Variants in ATP12A observed in about 807,000 individuals in gnomAD.
ATP12A encodes ATPase H+/K+ transporting non-gastric alpha2 subunit, also known as potassium-transporting ATPase alpha chain 2.
A neutral mutation model predicts 111.2 loss-of-function variants in ATP12A; 81 were observed. The observed-to-expected ratio is 0.73, with a 90% CI of 0.61 to 0.88. The LOEUF (loss-of-function observed/expected upper bound fraction) is 0.88, where lower values mean the gene tolerates loss of function less well. ATP12A is among the 40% of genes least tolerant of loss of function. ATP12A has a pLI of 0.00. For missense variants in ATP12A, 1,196 were observed against 1,313.1 expected, an observed-to-expected ratio of 0.91 and a Z score of 1.38; for synonymous variants, 498 against 499.8, an observed-to-expected ratio of 1.00 and a Z score of 0.05.
At chr13:24,709,519 G>C (rs2289910) in intron 18 of ATP12A, 32 bp downstream of exon 18, 717,531 of 1,607,810 alleles carry the variant, frequency 0.45, 162,787 homozygotes, top group Non-Finnish European at 0.47. Flanking sequence ...CCCATCACAC[G>C]AGGGCCTGCC....
intron 13 of ATP12A, among the ~76,000 whole-genome samples, chr13:24,701,501 CAAAAAAAAAAAAA>C (rs10586421): frequency 2.0e-5 from 2 of 101,398 alleles, no homozygotes; most frequent in African/African-American, 7.4e-5. Flanking sequence ...AACTCTGTCT[CAAAAAAAAAAAAA>C]AAAAAAGAAA....
intron 14 of ATP12A, chr13:24,703,684 T>C (rs1411283237): frequency 6.6e-6 from 1 of 152,160 alleles, no homozygotes; most frequent in Non-Finnish European, 1.5e-5. Flanking sequence ...TTTTTTTAGA[T>C]ACAAGGTGTC....
At position 24,691,215 on chromosome 13, in the gene ATP12A, G is replaced by T; in HGVS notation, c.1033G>T (p.Ala345Ser). ...CATCTTCCTCATTGGCATCATTGTG[G>T]CCAATGTGCCCGAGGGCCTCCTGGC... is the stretch of plus-strand genomic sequence containing the variant. ...SIIFLIGIIV[A>S]NVPEGLLATV... is the part of the protein sequence containing the mutation. The change falls in exon 8 of 23, where the codon GCC becomes TCC. Residue 345 changes from alanine (A) to serine (S), a missense_variant. By Grantham distance (99) the Ala-to-Ser change is moderately conservative (BLOSUM62 1). Coordinates refer to ENST00000381946, the MANE Select transcript of ATP12A (RefSeq NM_001676.7). The T allele has an allele frequency of 6.2e-7, 1 of 1,613,794 alleles. No individual in the cohort carries two copies. Among genetic ancestry groups the T allele is most frequent in the South Asian group, 1.1e-5 (1 of 91,066 alleles).
Position 24,709,445 on chromosome 13 carries a change from C to A in ATP12A, c.2575C>A (p.Leu859Met), listed in dbSNP as rs372265674. 14 of 1,613,924 alleles carry A rather than the reference C, an allele frequency of 8.7e-6. No homozygotes were observed. Among genetic ancestry groups the A allele is most frequent in the Non-Finnish European group, 1.2e-5 (14 of 1,180,026 alleles). ...RKPRHKNKDR[L>M]VNQPLAVYSY... ...GCCTCGCCACAAGAATAAGGACAGGCTGGTGAACCAGCCGCTCGCTGTGTA... is the reference window on the plus strand; with the variant it reads ...GCCTCGCCACAAGAATAAGGACAGGATGGTGAACCAGCCGCTCGCTGTGTA... Residue 859 changes from leucine (L) to methionine (M), a missense_variant, in exon 18 of 23, where the codon CTG (leucine) becomes ATG (methionine). Physicochemically the swap from Leu to Met is conservative, Grantham distance 15. This residue lies in a region of ATP12A where 1,126 missense variants were observed against 1,228.5 expected (regional missense o/e 0.92). Coordinates refer to ENST00000381946, the MANE Select transcript of ATP12A (RefSeq NM_001676.7).
intron 8 of ATP12A, among the ~76,000 whole-genome samples, chr13:24,692,155 T>TTGC (rs1008787025): frequency 2.0e-5 from 3 of 152,184 alleles, no homozygotes; most frequent in Admixed American, 1.3e-4. Context: ...GTGTCCGTGT[T>TTGC]TGCTGCCCGT....
At position 24,681,670 on chromosome 13, in the gene ATP12A, G is replaced by C; in HGVS notation, c.118G>C (p.Glu40Gln). ...TAGGGGTCTGAAGAACAACTGCCTGGAACTCAAAAAGAAAAATCACAAAGA... is the reference window on the plus strand; with the variant it reads ...TAGGGGTCTGAAGAACAACTGCCTGCAACTCAAAAAGAAAAATCACAAAGA... Reference protein sequence around the residue: ...KYRGLKNNCLELKKKNHKEEF... With the variant: ...KYRGLKNNCLQLKKKNHKEEF... The change falls in exon 2 of 23, where the codon GAA (glutamate) becomes CAA (glutamine). Residue 40 changes from glutamate to glutamine, a missense_variant. Around this residue, in one of 3 missense-constraint regions of ATP12A, gnomAD observed 67 missense variants for 64.0 expected, o/e 1.05. Transcript: ENST00000381946. The C allele has an allele frequency of 6.2e-7, 1 of 1,614,184 alleles. No homozygotes were observed. Among genetic ancestry groups the C allele is most frequent in the South Asian group, 1.1e-5 (1 of 91,072 alleles).
At chr13:24,706,898 G>A (rs1004032040) in intron 15 of ATP12A, 125 bp from the exon 16 acceptor site, 2 of 1,046,756 alleles carry the variant, frequency 1.9e-6, no homozygotes, top group Admixed American at 6.2e-5. Flanking sequence ...CCCTAAATGG[G>A]CCTTTCCGTT....
intron 2 of ATP12A, among the ~76,000 whole-genome samples, chr13:24,683,779 C>T (rs55641580): frequency 0.12 from 18,925 of 152,156 alleles, 1,212 homozygotes; most frequent in Middle Eastern, 0.22. Context: ...GACAGCACAG[C>T]ACCAGACGAT....
chr13:24,708,938 A>AAAGAAAGAAAGAAAGG (rs1875812319), intron 17 of ATP12A, among the ~76,000 whole-genome samples: 3 of 123,516 alleles, frequency 2.4e-5, no homozygotes, highest in South Asian at 2.4e-4. Context: ...AGAAAGAAAG[A>AAAGAAAGAAAGAAAGG]AAGAAAGAAA....
At chr13:24,698,515 T>TA in intron 11 of ATP12A, 143 bp from the exon 12 acceptor site, 2 of 928,368 alleles carry the variant, frequency 2.2e-6, no homozygotes, top group Non-Finnish European at 3.2e-6. Context: ...CTCTTCGTCT[T>TA]ACTTGGCCAC....
At chr13:24,708,284 C>G (rs148827025) in intron 17 of ATP12A, among the ~76,000 whole-genome samples, 13 of 152,200 alleles carry the variant, frequency 8.5e-5, no homozygotes, top group Admixed American at 2.6e-4. Flanking sequence ...CTAAGCTGCC[C>G]ATGTGGCTGT....
At position 24,710,813 on chromosome 13, in the gene ATP12A, G is replaced by C; in HGVS notation, c.2919G>C (p.Gly973=). Reference sequence around the variant, plus strand: ...GCAGAAATAAAGTCATCTGGGTGGGGATCACCTCACAGATCATCATTGGTC... The same window carrying C: ...GCAGAAATAAAGTCATCTGGGTGGGCATCACCTCACAGATCATCATTGGTC... ...GLFRNKVIWV[G]ITSQIIIGLI... The change falls in exon 21 of 23, where the codon GGG becomes GGC. Residue 973 remains glycine (G), a synonymous_variant. Coordinates refer to ENST00000381946, the MANE Select transcript of ATP12A (RefSeq NM_001676.7). The C allele has an allele frequency of 6.2e-7, 1 of 1,614,188 alleles. No homozygotes were observed. The highest frequency in any genetic ancestry group is 8.5e-7 in the Non-Finnish European group (1 of 1,180,046).
intron 5 of ATP12A, 37 bp downstream of exon 5, chr13:24,689,412 C>T: frequency 6.4e-7 from 1 of 1,573,726 alleles, no homozygotes; most frequent in Non-Finnish European, 8.7e-7. Flanking sequence ...CCTCTGGTGA[C>T]TCCCAGGTGA....
intron 17 of ATP12A, among the ~76,000 whole-genome samples, chr13:24,708,080 A>G (rs932590470): frequency 6.6e-6 from 1 of 152,210 alleles, no homozygotes; most frequent in African/African-American, 2.4e-5. Flanking sequence ...AATCACCCAA[A>G]TAACCACTGG....
Position 24,694,517 on chromosome 13 carries a change from A to T in ATP12A, c.1451A>T (p.Glu484Val). 6.2e-7 allele frequency: 1 copy of T among 1,614,150 alleles called. No homozygotes were observed. The highest frequency in any genetic ancestry group is 8.5e-7 in the Non-Finnish European group (1 of 1,180,024). ...FSEVILGDVMEIRKRNRKVAE... is the reference protein window; with the variant it reads ...FSEVILGDVMVIRKRNRKVAE... Reference sequence around the variant, plus strand: ...GAGGTCATTTTGGGTGATGTGATGGAAATTAGAAAAAGAAACCGCAAAGTA... The same window carrying T: ...GAGGTCATTTTGGGTGATGTGATGGTAATTAGAAAAAGAAACCGCAAAGTA... The change falls in exon 11 of 23, where the codon GAA becomes GTA. Residue 484 changes from glutamate to valine, a missense_variant. Around this residue, in one of 3 missense-constraint regions of ATP12A, gnomAD observed 1,126 missense variants for 1,228.5 expected, o/e 0.92. Coordinates refer to ENST00000381946, the MANE Select transcript of ATP12A (RefSeq NM_001676.7).
At position 24,709,732 on chromosome 13, in the gene ATP12A, A is replaced by G; in HGVS notation, c.2667A>G (p.Ala889=). The stretch of plus-strand genomic sequence containing the variant: ...TCCTTGTGTATTTCACCGTCTATGC[A>G]CAAGAGGGCTTTCTGCCCCGCACTC... ...GAFLVYFTVY[A]QEGFLPRTLI... The change falls in exon 19 of 23, where the codon GCA becomes GCG. Residue 889 remains alanine (A), a synonymous_variant. Coordinates refer to ENST00000381946, the MANE Select transcript of ATP12A (RefSeq NM_001676.7). 6.2e-7 allele frequency: 1 copy of G among 1,614,244 alleles called. No homozygotes were observed. Among genetic ancestry groups the G allele is most frequent in the Non-Finnish European group, 8.5e-7 (1 of 1,180,038 alleles).
Position 24,702,090 on chromosome 13 carries a change from T to C in ATP12A, c.2018+19T>C. 1.9e-6 allele frequency: 3 copies of C among 1,614,134 alleles called. No homozygotes were observed. Among genetic ancestry groups the C allele is most frequent in the Non-Finnish European group, 2.5e-6 (3 of 1,180,000 alleles). ...ACAAACGGTAAGCACAGGAGCAGCA[T>C]AGTAAAAATTCCAGTTTATACCCAT... On this transcript the variant is annotated intron_variant, in intron 14 of 22. Coordinates refer to ENST00000381946, the MANE Select transcript of ATP12A (RefSeq NM_001676.7).
At chr13:24,681,523 C>A in intron 1 of ATP12A, 39 bp from the exon 2 acceptor site, 1 of 1,597,420 alleles carries the variant, frequency 6.3e-7, no homozygotes, top group Non-Finnish European at 8.5e-7. Flanking sequence ...TTCGGAAACC[C>A]CATTTGGGGC....
chr13:24,683,813 T>C (rs1035622932), intron 2 of ATP12A, among the ~76,000 whole-genome samples: 1 of 152,204 alleles, frequency 6.6e-6, no homozygotes, highest in Admixed American at 6.5e-5. Context: ...TATTTCCCAT[T>C]ATCTCTAGCA....
Sources: allele counts gnomAD v4.1 joint callset (sites outside exome capture counted in the v4.1 genomes callset), GRCh38; gene constraint gnomAD v4.1.1; regional missense constraint gnomAD v4.1.1; transcripts MANE v1.5; gene names NCBI Gene and HGNC (gene_info 2026-07-23, HGNC 2026-07-21).